ARHGAP15: variants seen among roughly 807,000 people sequenced by gnomAD.
ARHGAP15 encodes the protein rho GTPase-activating protein 15.
In ARHGAP15, 51 loss-of-function variants were observed where a neutral mutation model predicts 63.7. That is an observed-to-expected ratio of 0.80 (90% CI 0.64 to 1.01). The LOEUF is 1.01. ARHGAP15 is among the 50% of genes least tolerant of loss of function. The pLI is 0.00. For missense variants in ARHGAP15, 560 were observed against 564.6 expected, an observed-to-expected ratio of 0.99 and a Z score of 0.08; for synonymous variants, 191 against 193.8, an observed-to-expected ratio of 0.99 and a Z score of 0.12.
intron 10 of ARHGAP15, among the ~76,000 whole-genome samples, chr2:143,552,979 C>G (rs1002409251): frequency 6.6e-6 from 1 of 152,146 alleles, no homozygotes; most frequent in African/African-American, 2.4e-5. Context: ...AGTTTGCAAT[C>G]CAGCAAGGAT....
chr2:143,599,016 G>T (rs1697648651), intron 11 of ARHGAP15, among the ~76,000 whole-genome samples: 1 of 151,874 alleles, frequency 6.6e-6, no homozygotes, highest in African/African-American at 2.4e-5. Flanking sequence ...AAAACTCTGA[G>T]AAATATATTA....
chr2:143,487,288 C>G, intron 8 of ARHGAP15, 85 bp from the exon 9 acceptor site: 1 of 1,458,404 alleles, frequency 6.9e-7, no homozygotes, highest in Non-Finnish European at 9.2e-7. Flanking sequence ...TGTTTCATAA[C>G]TACTGTTTTC....
intron 11 of ARHGAP15, among the ~76,000 whole-genome samples, chr2:143,623,204 G>A (rs1698708770): frequency 6.6e-6 from 1 of 152,130 alleles, no homozygotes; most frequent in East Asian, 1.9e-4. Context: ...ATGTCAAGAT[G>A]TCCCTTTCAG....
intron 11 of ARHGAP15, among the ~76,000 whole-genome samples, chr2:143,605,879 A>AAAAAAAAAAAAAAAC (rs1697983173): frequency 8.7e-6 from 1 of 114,974 alleles, no homozygotes; most frequent in African/African-American, 3.9e-5. Flanking sequence ...AAAAAAAAAA[A>AAAAAAAAAAAAAAAC]AAAAAAATTA....
At chr2:143,322,984 TAA>T (rs1049292138) in intron 6 of ARHGAP15, among the ~76,000 whole-genome samples, 2 of 152,240 alleles carry the variant, frequency 1.3e-5, no homozygotes, top group African/African-American at 2.4e-5. Context: ...ACTTTGGAAA[TAA>T]AGTTTGGTGC....
intron 6 of ARHGAP15, among the ~76,000 whole-genome samples, chr2:143,315,166 A>G (rs1683642391): frequency 1.3e-5 from 2 of 152,200 alleles, no homozygotes; most frequent in Non-Finnish European, 2.9e-5. Flanking sequence ...GAATTTTAAC[A>G]TATCAGCCTT....
At chr2:143,649,339 T>C (rs115007980) in intron 12 of ARHGAP15, among the ~76,000 whole-genome samples, 75 of 152,114 alleles carry the variant, frequency 4.9e-4, no homozygotes, top group African/African-American at 1.8e-3. Context: ...GAAACTGACA[T>C]CTCAGTCCCT....
chr2:143,740,750 C>A lies in ARHGAP15; in HGVS notation c.1245-27239C>A, dbSNP rs149042376. 1.9e-4 allele frequency among the ~76,000 whole-genome samples: 29 copies of A among 152,158 alleles called. No individual in the cohort carries two copies. In the East Asian group the frequency reaches 5.4e-3, roughly 28 times the overall value. ...TCAGTAGCACAGAGCTATTTAGTGCCTTAAAAGACAATGAAATTCTCTCAG... is the reference window on the plus strand; with the variant it reads ...TCAGTAGCACAGAGCTATTTAGTGCATTAAAAGACAATGAAATTCTCTCAG... On this transcript the variant is annotated intron_variant, in intron 13 of 13. Coordinates refer to ENST00000295095, the MANE Select transcript of ARHGAP15 (RefSeq NM_018460.4).
intron 1 of ARHGAP15, among the ~76,000 whole-genome samples, chr2:143,145,842 GTGTGTGT>G (rs1689563011): frequency 2.6e-4 from 1 of 3,848 alleles, no homozygotes; most frequent in African/African-American, 7.9e-4. Context: ...GTATAGGGGT[GTGTGTGT>G]GTGTGTGTGT....
At chr2:143,542,928 A>G (rs1290078738) in intron 10 of ARHGAP15, among the ~76,000 whole-genome samples, 2 of 148,468 alleles carry the variant, frequency 1.3e-5, no homozygotes, top group Non-Finnish European at 3.0e-5. Context: ...ATAATATCAC[A>G]TTTTATCATT....
intron 12 of ARHGAP15, among the ~76,000 whole-genome samples, chr2:143,673,325 T>C (rs1444136808): frequency 2.0e-5 from 3 of 151,672 alleles, no homozygotes; most frequent in Admixed American, 2.0e-4. Flanking sequence ...TTAGACGGAG[T>C]CTCACTCTGT....
rs539132652 is a variant in ARHGAP15, at chr2:143,703,405, ATT to A, written c.1139-6_1139-5del. 1 of 1,563,708 alleles carries A rather than the reference ATT, an allele frequency of 6.4e-7. No individual in the cohort carries two copies. Among genetic ancestry groups the A allele is most frequent in the Non-Finnish European group, 8.7e-7 (1 of 1,151,870 alleles). On this transcript the variant is annotated splice_polypyrimidine_tract_variant and intron_variant, in intron 12 of 13. Coordinates refer to ENST00000295095, the MANE Select transcript of ARHGAP15 (RefSeq NM_018460.4). ...TGTTTTTTCCCTAACCTTCCTTTTT[ATT>A]TTTTTTTCCAGAAAAGCAAGACAAC...
At chr2:143,361,514 A>C (rs1357517856) in intron 6 of ARHGAP15, among the ~76,000 whole-genome samples, 1 of 152,198 alleles carries the variant, frequency 6.6e-6, no homozygotes, top group African/African-American at 2.4e-5. Flanking sequence ...TAATGGTCAC[A>C]GAAGATTCTG....
intron 2 of ARHGAP15, among the ~76,000 whole-genome samples, chr2:143,160,684 T>G (rs1690258001): frequency 6.6e-6 from 1 of 151,902 alleles, no homozygotes; most frequent in South Asian, 2.1e-4. Context: ...GATGAAAAAG[T>G]TTGTTAGCTA....
chr2:143,561,513 TTC>T (rs1696017533), intron 11 of ARHGAP15, among the ~76,000 whole-genome samples: 1 of 125,860 alleles, frequency 7.9e-6, no homozygotes, highest in Non-Finnish European at 1.8e-5. Flanking sequence ...TTTTTTCTTT[TTC>T]TTTTTTTTTT....
chr2:143,642,054 A>G (rs1394763411), intron 12 of ARHGAP15, among the ~76,000 whole-genome samples: 1 of 152,146 alleles, frequency 6.6e-6, no homozygotes, highest in African/African-American at 2.4e-5. Context: ...AAGGTAAAAC[A>G]CCAGTAAATA....
rs1486269601 is a variant in ARHGAP15, at chr2:143,330,138, A to C, written c.474+79538A>C. ...AAAAAAAAAAAAAAAAAAACCAAAA[A>C]CAAAAAACTAAACTAATGATTAATA... On this transcript the variant is annotated intron_variant, in intron 6 of 13. Coordinates refer to ENST00000295095, the MANE Select transcript of ARHGAP15 (RefSeq NM_018460.4). Among the ~76,000 whole-genome samples the C allele has an allele frequency of 1.5e-5, 2 of 133,004 alleles. 1 individual carries two copies. Among genetic ancestry groups the C allele is most frequent in the Non-Finnish European group, 3.3e-5 (2 of 61,136 alleles). The allele number at this position is 133,004 out of a possible 152,430, so 87.3% of individuals were successfully genotyped here.
At chr2:143,503,132 G>T (rs1206910831) in intron 9 of ARHGAP15, among the ~76,000 whole-genome samples, 1 of 152,206 alleles carries the variant, frequency 6.6e-6, no homozygotes, top group Non-Finnish European at 1.5e-5. Flanking sequence ...TAGAATCCTA[G>T]ACACAAAGAA....
intron 9 of ARHGAP15, among the ~76,000 whole-genome samples, chr2:143,503,626 A>G (rs1317893137): frequency 6.6e-6 from 1 of 152,250 alleles, no homozygotes; most frequent in South Asian, 2.1e-4. Context: ...ACCTGACTGC[A>G]GAGAACACAT....
Sources: gnomAD v4.1 joint callset for allele counts (sites outside exome capture counted in the v4.1 genomes callset) on GRCh38, gnomAD v4.1.1 for gene constraint, MANE v1.5 for transcripts, NCBI Gene and HGNC (gene_info 2026-07-23, HGNC 2026-07-21) for gene names.